Variants in ATXN1 observed in about 807,000 individuals in gnomAD.
ATXN1 encodes ataxin 1, also known as ataxin-1.
Under a neutral mutation model 56.4 loss-of-function variants are expected in ATXN1, and 8 were observed. The observed-to-expected ratio is 0.14, with a 90% CI of 0.08 to 0.26. The LOEUF is 0.26. Among genes scored for constraint, ATXN1 ranks in the 10% least tolerant of loss-of-function variants. ATXN1 has a pLI of 1.00. For missense variants in ATXN1, 987 were observed against 1,106.5 expected (o/e 0.89, Z 1.53); for synonymous variants, 514 against 494.6 (o/e 1.04, Z -0.52).
intron 3 of ATXN1, among the ~76,000 whole-genome samples, chr6:16,607,059 TG>T (rs1245429709): frequency 2.0e-5 from 3 of 150,904 alleles, no homozygotes; most frequent in Non-Finnish European, 4.4e-5. Flanking sequence ...GCTAATGTTT[TG>T]TATTTTTAGT....
At chr6:16,515,635 T>C (rs1336013607) in intron 5 of ATXN1, among the ~76,000 whole-genome samples, 1 of 152,168 alleles carries the variant, frequency 6.6e-6, no homozygotes, top group Non-Finnish European at 1.5e-5. Context: ...CTATGAGCTG[T>C]CCATTCTCCG....
intron 6 of ATXN1, among the ~76,000 whole-genome samples, chr6:16,421,436 T>G (rs1367549402): frequency 5.9e-5 from 9 of 152,194 alleles, no homozygotes; most frequent in African/African-American, 1.7e-4. Context: ...AATAACAGAT[T>G]GGTACAGCTC....
At chr6:16,440,054 G>C (rs1023222374) in intron 6 of ATXN1, among the ~76,000 whole-genome samples, 2 of 142,448 alleles carry the variant, frequency 1.4e-5, no homozygotes, top group South Asian at 4.5e-4. Flanking sequence ...CAGCCTGGGG[G>C]ACAAGAGCAA....
At chr6:16,740,009 A>G in intron 2 of ATXN1, 1 of 399,360 alleles carries the variant, frequency 2.5e-6, no homozygotes, top group South Asian at 1.8e-5. Flanking sequence ...AAAAGCTGTA[A>G]AGAGATTGAG....
chr6:16,587,930 TAAA>T (rs774400213), intron 3 of ATXN1, among the ~76,000 whole-genome samples: 2 of 128,910 alleles, frequency 1.6e-5, no homozygotes, highest in Non-Finnish European at 1.7e-5. Context: ...GAACTCTGTC[TAAA>T]AAAAAAAAAA....
At chr6:16,717,075 C>T (rs1759655747) in intron 2 of ATXN1, among the ~76,000 whole-genome samples, 1 of 152,232 alleles carries the variant, frequency 6.6e-6, no homozygotes, top group African/African-American at 2.4e-5. Flanking sequence ...ACAAAGCCAA[C>T]TGAAGAAAGA....
intron 2 of ATXN1, among the ~76,000 whole-genome samples, chr6:16,716,547 C>T (rs1759644641): frequency 6.6e-6 from 1 of 152,114 alleles, no homozygotes; most frequent in South Asian, 2.1e-4. Flanking sequence ...TGAATTGTGG[C>T]AGGGTTGTGG....
chr6:16,568,395 A>T (rs896860685), intron 4 of ATXN1, among the ~76,000 whole-genome samples: 1 of 152,266 alleles, frequency 6.6e-6, no homozygotes, highest in Admixed American at 6.5e-5. Context: ...TCCAGGTTAC[A>T]TGCCCGGTAC....
chr6:16,590,762 C>T (rs546645611), intron 3 of ATXN1, among the ~76,000 whole-genome samples: 11 of 151,946 alleles, frequency 7.2e-5, no homozygotes, highest in African/African-American at 1.2e-4. Flanking sequence ...CTCAACCTCT[C>T]GGGCTCAGGT....
chr6:16,461,611 G>T (rs183435166), intron 6 of ATXN1, among the ~76,000 whole-genome samples: 30 of 152,330 alleles, frequency 2.0e-4, no homozygotes, highest in African/African-American at 5.8e-4. Flanking sequence ...AACCAAATTG[G>T]ATAGAAGCCT....
intron 2 of ATXN1, among the ~76,000 whole-genome samples, chr6:16,663,691 G>T (rs888220057): frequency 4.6e-5 from 7 of 151,234 alleles, no homozygotes; most frequent in Admixed American, 1.3e-4. Flanking sequence ...TAGAGACAGG[G>T]TCTTGCTCTG....
At chr6:16,727,634 C>T (rs1759879460) in intron 2 of ATXN1, among the ~76,000 whole-genome samples, 2 of 152,120 alleles carry the variant, frequency 1.3e-5, no homozygotes, top group South Asian at 4.1e-4. Flanking sequence ...ACAGGAACTT[C>T]CAAAGTGCTT....
intron 6 of ATXN1, among the ~76,000 whole-genome samples, chr6:16,391,161 C>CA (rs35472967): frequency 0.042 from 2,352 of 55,550 alleles, 160 homozygotes; most frequent in African/African-American, 0.12. Context: ...GACTCCATCT[C>CA]AAAAAAAAAA....
intron 6 of ATXN1, among the ~76,000 whole-genome samples, chr6:16,330,903 T>G (rs1296487061): frequency 6.6e-6 from 1 of 152,138 alleles, no homozygotes; most frequent in Non-Finnish European, 1.5e-5. Context: ...GCTTAAAGAC[T>G]GGGACGGAAA....
At chr6:16,403,794 T>C (rs1191866617) in intron 6 of ATXN1, among the ~76,000 whole-genome samples, 3 of 152,242 alleles carry the variant, frequency 2.0e-5, no homozygotes, top group African/African-American at 7.2e-5. Flanking sequence ...GAATGGACAA[T>C]CTATAGGTTG....
At chr6:16,395,270 C>CAAAAAAAAAAAAAAAAAAAAA (rs748314030) in intron 6 of ATXN1, among the ~76,000 whole-genome samples, 12 of 48,446 alleles carry the variant, frequency 2.5e-4, no homozygotes, top group African/African-American at 4.5e-4. Flanking sequence ...AACTCCGTCT[C>CAAAAAAAAAAAAAAAAAAAAA]AAAAAAAAAA....
At chr6:16,392,903 T>C (rs1758384316) in intron 6 of ATXN1, among the ~76,000 whole-genome samples, 1 of 152,218 alleles carries the variant, frequency 6.6e-6, no homozygotes, top group Non-Finnish European at 1.5e-5. Context: ...TGCAAATTCT[T>C]GGGCTTTCCA....
At chr6:16,578,787 G>C (rs1762471347) in intron 4 of ATXN1, among the ~76,000 whole-genome samples, 1 of 152,072 alleles carries the variant, frequency 6.6e-6, no homozygotes, top group Non-Finnish European at 1.5e-5. Flanking sequence ...TGGGACATTA[G>C]ATAAGCCCCC....
chr6:16,480,067 G>A (rs151291156), intron 6 of ATXN1, among the ~76,000 whole-genome samples: 17 of 142,926 alleles, frequency 1.2e-4, no homozygotes, highest in African/African-American at 3.1e-4. Flanking sequence ...CAGGAGAATC[G>A]CTTGAACCCA....
Sources: gnomAD v4.1 joint callset for allele counts (sites outside exome capture counted in the v4.1 genomes callset) on GRCh38, gnomAD v4.1.1 for gene constraint, MANE v1.5 for transcripts, NCBI Gene and HGNC (gene_info 2026-07-23, HGNC 2026-07-21) for gene names.